NAALADL2: variants seen among roughly 807,000 people sequenced by gnomAD.
The protein encoded by NAALADL2 is N-acetylated alpha-linked acidic dipeptidase like 2, also known as inactive N-acetylated-alpha-linked acidic dipeptidase-like protein 2.
Under a neutral mutation model 87.2 loss-of-function variants are expected in NAALADL2, and 76 were observed. The observed-to-expected ratio is 0.87, with a 90% CI of 0.72 to 1.05. The LOEUF is 1.05. Among genes scored for constraint, NAALADL2 ranks in the 50% least tolerant of loss-of-function variants. The pLI, the probability that NAALADL2 is intolerant of heterozygous loss-of-function variation, is 0.00. For missense variants in NAALADL2, 1,089 were observed against 945.8 expected (o/e 1.15, Z -1.99); for synonymous variants, 354 against 331.0 (o/e 1.07, Z -0.75).
At chr3:175,047,394 T>A (rs9871538) in intron 1 of NAALADL2, among the ~76,000 whole-genome samples, 40,966 of 151,960 alleles carry the variant, frequency 0.27, 6,083 homozygotes, top group African/African-American at 0.38. Context: ...TAATTTTTTT[T>A]AAATTTCTTC....
At chr3:175,422,560 C>A (rs1032385864) in intron 5 of NAALADL2, among the ~76,000 whole-genome samples, 5 of 151,876 alleles carry the variant, frequency 3.3e-5, no homozygotes, top group African/African-American at 4.8e-5. Flanking sequence ...ACCTAGAAAT[C>A]TTCTCCACAA....
At chr3:175,303,636 G>A (rs746350113) in intron 4 of NAALADL2, among the ~76,000 whole-genome samples, 4 of 152,092 alleles carry the variant, frequency 2.6e-5, no homozygotes, top group South Asian at 2.1e-4. Context: ...TTAAACTACC[G>A]CACATAGCGT....
intron 1 of NAALADL2, among the ~76,000 whole-genome samples, chr3:175,006,397 G>C (rs1473081655): frequency 6.6e-6 from 1 of 152,014 alleles, no homozygotes; most frequent in Admixed American, 6.6e-5. Flanking sequence ...ACCCAGAACT[G>C]TACAAATAAC....
chr3:174,465,112 C>CT (rs1299730139), intron 1 of NAALADL2, among the ~76,000 whole-genome samples: 2 of 151,780 alleles, frequency 1.3e-5, no homozygotes, highest in East Asian at 3.9e-4. Context: ...AATTTTAAAA[C>CT]TTTTTTATGC....
chr3:175,071,371 G>C (rs1011441353), intron 1 of NAALADL2, among the ~76,000 whole-genome samples: 4 of 151,938 alleles, frequency 2.6e-5, no homozygotes, highest in Non-Finnish European at 5.9e-5. Context: ...ATTTTCAAAG[G>C]CTACTTTACA....
At chr3:175,241,965 G>A (rs1251214387) in intron 3 of NAALADL2, among the ~76,000 whole-genome samples, 1 of 143,176 alleles carries the variant, frequency 7.0e-6, no homozygotes, top group Non-Finnish European at 1.5e-5. Flanking sequence ...GGGTTCATGT[G>A]ATTCTCTTGC....
chr3:174,494,888 T>A (rs1298728789), intron 1 of NAALADL2, among the ~76,000 whole-genome samples: 1 of 152,114 alleles, frequency 6.6e-6, no homozygotes, highest in Non-Finnish European at 1.5e-5. Flanking sequence ...AGCACTTTAT[T>A]TAGATTGGGG....
intron 1 of NAALADL2, among the ~76,000 whole-genome samples, chr3:174,928,316 T>C (rs1301275212): frequency 6.6e-6 from 1 of 152,210 alleles, no homozygotes; most frequent in Admixed American, 6.5e-5. Flanking sequence ...CTCGGCTCAC[T>C]GCAACCTCTG....
At chr3:175,659,619 A>T (rs1731974487) in intron 11 of NAALADL2, among the ~76,000 whole-genome samples, 1 of 152,190 alleles carries the variant, frequency 6.6e-6, no homozygotes, top group African/African-American at 2.4e-5. Flanking sequence ...AAAAGAAAAC[A>T]TTTGACTTTA....
At chr3:174,568,049 G>A (rs750815468) in intron 2 of NAALADL2, among the ~76,000 whole-genome samples, 1 of 151,644 alleles carries the variant, frequency 6.6e-6, no homozygotes, top group African/African-American at 2.4e-5. Context: ...TATGATGTAG[G>A]TAGTGTCTAC....
At chr3:174,915,370 G>T (rs1734230475) in intron 1 of NAALADL2, among the ~76,000 whole-genome samples, 1 of 152,118 alleles carries the variant, frequency 6.6e-6, no homozygotes, top group African/African-American at 2.4e-5. Flanking sequence ...TGAAGTTGCT[G>T]TCTCCTCCCT....
At chr3:175,315,550 A>G (rs1251162611) in intron 4 of NAALADL2, among the ~76,000 whole-genome samples, 1 of 152,184 alleles carries the variant, frequency 6.6e-6, no homozygotes, top group East Asian at 1.9e-4. Context: ...AATATTCCCA[A>G]TATAAACAGA....
chr3:174,694,783 T>C lies in NAALADL2; in HGVS notation c.-114-42858T>C, dbSNP rs572724605. 3.3e-5 allele frequency among the ~76,000 whole-genome samples: 5 copies of C among 152,188 alleles called. No homozygotes were observed. The East Asian group carries it at 5.8e-4, about 18-fold the overall frequency. On this transcript the variant is annotated intron_variant, in intron 2 of 3. Transcript: ENST00000434257. ...ACAAAGTATTTTTAGTGTGTTTTTA[T>C]GTTAAATTTTACACAGAACACAAAT...
intron 1 of NAALADL2, among the ~76,000 whole-genome samples, chr3:174,961,208 T>G (rs1016671390): frequency 6.6e-6 from 1 of 150,932 alleles, no homozygotes; most frequent in Non-Finnish European, 1.5e-5. Flanking sequence ...GGTCTCAAAC[T>G]TCTGTCTTCA....
At chr3:175,437,088 C>A (rs1369972349) in intron 5 of NAALADL2, among the ~76,000 whole-genome samples, 1 of 147,688 alleles carries the variant, frequency 6.8e-6, no homozygotes. Flanking sequence ...GTTTTCCCAG[C>A]ACCATTTATT....
intron 9 of NAALADL2, among the ~76,000 whole-genome samples, chr3:175,517,630 A>G (rs1388239248): frequency 1.3e-5 from 2 of 152,148 alleles, no homozygotes; most frequent in African/African-American, 4.8e-5. Flanking sequence ...AAAACAGGTA[A>G]TGAAGTGGCA....
At chr3:175,799,750 TATC>T (rs1275253716) in intron 13 of NAALADL2, among the ~76,000 whole-genome samples, 23 of 152,320 alleles carry the variant, frequency 1.5e-4, no homozygotes, top group African/African-American at 4.1e-4. Flanking sequence ...CATTTTGAGA[TATC>T]ATCAAAACAT....
At chr3:175,051,312 G>T (rs1755356435) in intron 1 of NAALADL2, among the ~76,000 whole-genome samples, 1 of 152,140 alleles carries the variant, frequency 6.6e-6, no homozygotes, top group African/African-American at 2.4e-5. Flanking sequence ...TATTATGTCA[G>T]TTTCCATGGG....
At chr3:175,606,092 A>C (rs892259910) in intron 10 of NAALADL2, among the ~76,000 whole-genome samples, 1 of 152,198 alleles carries the variant, frequency 6.6e-6, no homozygotes, top group Non-Finnish European at 1.5e-5. Context: ...AGAAGGGACA[A>C]AGGGAAAGGA....
Sources: gnomAD v4.1 joint callset for allele counts (sites outside exome capture counted in the v4.1 genomes callset) on GRCh38, gnomAD v4.1.1 for gene constraint, MANE v1.5 for transcripts, NCBI Gene and HGNC (gene_info 2026-07-23, HGNC 2026-07-21) for gene names.